The following SUPT3H variants were observed in gnomAD, a reference collection of about 807,000 sequenced individuals.
SUPT3H encodes the protein SPT3 homolog, SAGA and STAGA complex component.
SUPT3H carries 44 observed loss-of-function variants against 44.3 expected under a neutral mutation model. The observed-to-expected ratio is 0.99, with a 90% CI of 0.78 to 1.28. The LOEUF is 1.28. Among genes scored for constraint, SUPT3H ranks in the 50% most tolerant of loss-of-function variants. SUPT3H has a pLI of 0.00. For synonymous variants in SUPT3H, 124 were observed against 125.6 expected (o/e 0.99, Z 0.09); for missense variants, 380 against 387.1 (o/e 0.98, Z 0.15).
At chr6:45,308,279 T>C (rs1783407891) in intron 2 of SUPT3H, among the ~76,000 whole-genome samples, 1 of 151,814 alleles carries the variant, frequency 6.6e-6, no homozygotes, top group East Asian at 1.9e-4. Flanking sequence ...GAAGAGCAAC[T>C]CCAAGACACA....
chr6:45,333,129 T>C (rs189573216), intron 2 of SUPT3H, among the ~76,000 whole-genome samples: 1 of 151,894 alleles, frequency 6.6e-6, no homozygotes, highest in Admixed American at 6.6e-5. Context: ...AACAAATCTT[T>C]AAAAGAAGTC....
intron 2 of SUPT3H, among the ~76,000 whole-genome samples, chr6:45,286,897 G>C (rs575832810): frequency 6.6e-6 from 1 of 152,156 alleles, no homozygotes; most frequent in African/African-American, 2.4e-5. Flanking sequence ...ACACACCATG[G>C]AATACTATGC....
chr6:45,049,369 A>T (rs564159088), intron 3 of SUPT3H, among the ~76,000 whole-genome samples: 2 of 152,270 alleles, frequency 1.3e-5, no homozygotes, highest in South Asian at 4.1e-4. Context: ...CAAACAGTCA[A>T]CACAAGTTAC....
chr6:44,966,377 T>C (rs957084358), intron 6 of SUPT3H, among the ~76,000 whole-genome samples: 7 of 143,236 alleles, frequency 4.9e-5, no homozygotes, highest in Non-Finnish European at 8.9e-5. Context: ...AAACTGCTTA[T>C]TCTTTGAGAT....
intron 10 of SUPT3H, among the ~76,000 whole-genome samples, chr6:44,885,085 G>A (rs915245477): frequency 2.6e-5 from 4 of 152,186 alleles, no homozygotes; most frequent in Non-Finnish European, 5.9e-5. Context: ...CATTGCCCAG[G>A]CTTGCTTAGG....
At chr6:44,869,276 T>C (rs1214583494) in intron 10 of SUPT3H, among the ~76,000 whole-genome samples, 1 of 151,942 alleles carries the variant, frequency 6.6e-6, no homozygotes, top group Non-Finnish European at 1.5e-5. Context: ...GTGACAATAC[T>C]GAAAAAGCCC....
intron 3 of SUPT3H, among the ~76,000 whole-genome samples, chr6:45,035,706 G>C (rs1245641058): frequency 6.6e-6 from 1 of 152,140 alleles, no homozygotes; most frequent in African/African-American, 2.4e-5. Flanking sequence ...ACTGTGACCT[G>C]ATAAAGGTAA....
At chr6:44,984,553 A>G (rs1160960738) in intron 6 of SUPT3H, among the ~76,000 whole-genome samples, 2 of 152,132 alleles carry the variant, frequency 1.3e-5, no homozygotes, top group African/African-American at 4.8e-5. Flanking sequence ...GTATAAGTGA[A>G]TATATATTTA....
At chr6:45,126,090 A>G (rs1338560255) in intron 2 of SUPT3H, among the ~76,000 whole-genome samples, 1 of 152,198 alleles carries the variant, frequency 6.6e-6, no homozygotes, top group African/African-American at 2.4e-5. Flanking sequence ...TGGATGCCCA[A>G]ATTTAAATTT....
At chr6:45,042,628 G>A in intron 3 of SUPT3H, among the ~76,000 whole-genome samples, 1 of 152,078 alleles carries the variant, frequency 6.6e-6, no homozygotes, top group Non-Finnish European at 1.5e-5. Flanking sequence ...GGAGAAATAG[G>A]AACACTTTTA....
intron 2 of SUPT3H, among the ~76,000 whole-genome samples, chr6:45,234,430 C>T (rs1161742327): frequency 6.6e-6 from 1 of 150,890 alleles, no homozygotes; most frequent in African/African-American, 2.4e-5. Flanking sequence ...ACTCAGGAGG[C>T]TGAGGCAGCA....
At chr6:45,226,295 T>C (rs573129753) in intron 2 of SUPT3H, among the ~76,000 whole-genome samples, 6 of 148,726 alleles carry the variant, frequency 4.0e-5, no homozygotes, top group African/African-American at 1.5e-4. Flanking sequence ...CTATACAATA[T>C]GACTCTAAGC....
chr6:45,363,897 CTT>C (rs1794688638), intron 2 of SUPT3H, among the ~76,000 whole-genome samples: 1 of 151,744 alleles, frequency 6.6e-6, no homozygotes, highest in South Asian at 2.1e-4. Flanking sequence ...GCATAAATTT[CTT>C]TCTTTTTAAA....
intron 10 of SUPT3H, among the ~76,000 whole-genome samples, chr6:44,883,938 AC>A (rs1778690914): frequency 6.6e-6 from 1 of 151,908 alleles, no homozygotes; most frequent in South Asian, 2.1e-4. Context: ...CCTAGGCAAT[AC>A]CCATAAGCAT....
intron 10 of SUPT3H, among the ~76,000 whole-genome samples, chr6:44,878,922 G>A (rs776329571): frequency 1.1e-4 from 16 of 152,156 alleles, no homozygotes; most frequent in Non-Finnish European, 1.3e-4. Flanking sequence ...TAGGGTCTTC[G>A]CAACCCTCAG....
chr6:45,320,875 G>A (rs1785380897), intron 2 of SUPT3H, among the ~76,000 whole-genome samples: 2 of 152,064 alleles, frequency 1.3e-5, no homozygotes, highest in South Asian at 4.1e-4. Flanking sequence ...CAATTTAGTA[G>A]TATTAGTACA....
chr6:45,061,580 A>G (rs1288200894), intron 3 of SUPT3H, among the ~76,000 whole-genome samples: 3 of 152,212 alleles, frequency 2.0e-5, no homozygotes, highest in Non-Finnish European at 2.9e-5. Context: ...CGTCCTGCAC[A>G]TGTACACCGG....
intron 2 of SUPT3H, among the ~76,000 whole-genome samples, chr6:45,166,607 G>T (rs1221573060): frequency 6.7e-6 from 1 of 148,792 alleles, no homozygotes; most frequent in Non-Finnish European, 1.5e-5. Context: ...AAAAAAGAGG[G>T]GAGAGAAAAG....
intron 2 of SUPT3H, among the ~76,000 whole-genome samples, chr6:45,246,973 G>A (rs1771474765): frequency 6.6e-6 from 1 of 152,020 alleles, no homozygotes; most frequent in Non-Finnish European, 1.5e-5. Flanking sequence ...ATATAATTGA[G>A]ACAGAAATCA....
Sources: gnomAD v4.1 joint callset for allele counts (sites outside exome capture counted in the v4.1 genomes callset) on GRCh38, gnomAD v4.1.1 for gene constraint, MANE v1.5 for transcripts, NCBI Gene and HGNC (gene_info 2026-07-23, HGNC 2026-07-21) for gene names.